The following BNC2 variants were observed in gnomAD, a reference collection of about 807,000 sequenced individuals.
BNC2 encodes zinc finger protein basonuclin-2.
In BNC2, 20 loss-of-function variants were observed where a neutral mutation model predicts 76.3. The observed-to-expected ratio is 0.26, with a 90% CI of 0.18 to 0.38. BNC2 has a LOEUF of 0.38. Among genes scored for constraint, BNC2 ranks in the 10% least tolerant of loss-of-function variants. The pLI is 1.00. For synonymous variants in BNC2, 582 were observed against 514.8 expected, an observed-to-expected ratio of 1.13 and a Z score of -1.77; for missense variants, 1,382 against 1,399.8, an observed-to-expected ratio of 0.99 and a Z score of 0.20.
chr9:16,561,378 G>C (rs1819010301), intron 4 of BNC2, among the ~76,000 whole-genome samples: 1 of 152,156 alleles, frequency 6.6e-6, no homozygotes, highest in African/African-American at 2.4e-5. Flanking sequence ...AGAGAGCAGG[G>C]CATTTTTGCA....
chr9:16,587,789 C>A (rs1375918371), intron 3 of BNC2, among the ~76,000 whole-genome samples: 1 of 152,152 alleles, frequency 6.6e-6, no homozygotes, highest in African/African-American at 2.4e-5. Flanking sequence ...CCTTCCAAGT[C>A]CTGCTTAAGT....
intron 1 of BNC2, among the ~76,000 whole-genome samples, chr9:16,765,503 TATTTGACTTTAGAAAAGCAGAAATA>T (rs1195853809): frequency 2.0e-5 from 3 of 152,146 alleles, no homozygotes; most frequent in Non-Finnish European, 2.9e-5. Context: ...TAAATAGAAA[TATTTGACTTTAGAAAAGCAGAAATA>T]ATTTGACTTT....
At chr9:16,765,182 G>A (rs1248584634) in intron 1 of BNC2, among the ~76,000 whole-genome samples, 1 of 152,038 alleles carries the variant, frequency 6.6e-6, no homozygotes, top group Admixed American at 6.5e-5. Context: ...CTCTAATATG[G>A]TAAACATACA....
At chr9:16,755,338 G>A (rs1438259000) in intron 1 of BNC2, among the ~76,000 whole-genome samples, 2 of 152,044 alleles carry the variant, frequency 1.3e-5, no homozygotes, top group Non-Finnish European at 2.9e-5. Flanking sequence ...GGAGGCTGTG[G>A]GGGGACACCA....
At chr9:16,495,754 C>A (rs566240653) in intron 5 of BNC2, among the ~76,000 whole-genome samples, 3 of 152,150 alleles carry the variant, frequency 2.0e-5, no homozygotes, top group Non-Finnish European at 4.4e-5. Context: ...TCATGGCTCT[C>A]TGAAGGTTAA....
chr9:16,605,784 CTTTTTTTTTTTT>C (rs34431220), intron 3 of BNC2, among the ~76,000 whole-genome samples: 1 of 110,762 alleles, frequency 9.0e-6, no homozygotes, highest in African/African-American at 3.6e-5. Context: ...TTCAAGAATT[CTTTTTTTTTTTT>C]TTTTTTTTTT....
At chr9:16,521,819 C>T (rs1451112983) in intron 5 of BNC2, among the ~76,000 whole-genome samples, 3 of 151,958 alleles carry the variant, frequency 2.0e-5, no homozygotes, top group African/African-American at 7.3e-5. Context: ...TTTTTTAAGC[C>T]ACAGCAAGAA....
intron 5 of BNC2, among the ~76,000 whole-genome samples, chr9:16,454,003 G>T (rs996620660): frequency 6.6e-6 from 1 of 152,076 alleles, no homozygotes; most frequent in African/African-American, 2.4e-5. Context: ...CACCACCAAC[G>T]TTTTGCTTAT....
chr9:16,447,887 G>GA (rs1821260331), intron 5 of BNC2, among the ~76,000 whole-genome samples: 2 of 152,078 alleles, frequency 1.3e-5, no homozygotes, highest in African/African-American at 2.4e-5. Flanking sequence ...TTGTACAGAA[G>GA]ACCCTCACCT....
intron 3 of BNC2, among the ~76,000 whole-genome samples, chr9:16,658,917 A>G (rs10810584): frequency 0.42 from 64,178 of 152,060 alleles, 15,250 homozygotes; most frequent in African/African-American, 0.65. Flanking sequence ...GACAGTTTAC[A>G]TTGTCTTAAA....
At chr9:16,499,776 C>A (rs528899183) in intron 5 of BNC2, among the ~76,000 whole-genome samples, 1 of 152,126 alleles carries the variant, frequency 6.6e-6, no homozygotes, top group East Asian at 1.9e-4. Flanking sequence ...AGTGATAAGC[C>A]TGCCTCAGCC....
intron 5 of BNC2, among the ~76,000 whole-genome samples, chr9:16,462,828 T>C (rs553663217): frequency 6.6e-6 from 1 of 152,276 alleles, no homozygotes; most frequent in Admixed American, 6.5e-5. Flanking sequence ...GTGTATGATG[T>C]TCTAGTTATT....
At chr9:16,838,548 C>T (rs925816441) in intron 1 of BNC2, among the ~76,000 whole-genome samples, 5 of 152,022 alleles carry the variant, frequency 3.3e-5, no homozygotes, top group African/African-American at 4.8e-5. Flanking sequence ...ACAACAAGAG[C>T]GAAACTCCGT....
Position 16,475,374 on chromosome 9 carries a change from G to C in BNC2, c.670-37850C>G, listed in dbSNP as rs538192885. 1.6e-4 allele frequency among the ~76,000 whole-genome samples: 25 copies of C among 152,192 alleles called. No individual in the cohort carries two copies. In the South Asian group the frequency reaches 5.2e-3, roughly 32 times the overall value. On this transcript the variant is annotated intron_variant, in intron 5 of 6. Transcript: ENST00000380672. ...TAGAAACTCACACTATGTTGCTATG[G>C]TGCATGCTGCTGCAAAGAAAAAGCT...
chr9:16,868,388 T>G (rs924631981), intron 1 of BNC2, among the ~76,000 whole-genome samples: 1 of 148,888 alleles, frequency 6.7e-6, no homozygotes, highest in Non-Finnish European at 1.5e-5. Flanking sequence ...TGCTTCTTTT[T>G]GTAATCACAT....
chr9:16,482,702 A>G (rs1380116993), intron 5 of BNC2, among the ~76,000 whole-genome samples: 1 of 152,198 alleles, frequency 6.6e-6, no homozygotes, highest in African/African-American at 2.4e-5. Flanking sequence ...GGATCACAAG[A>G]AAAGATTCCC....
At chr9:16,496,232 A>C (rs1822386880) in intron 5 of BNC2, among the ~76,000 whole-genome samples, 1 of 150,756 alleles carries the variant, frequency 6.6e-6, no homozygotes, top group Non-Finnish European at 1.5e-5. Context: ...CATTAAAAAC[A>C]AAAAAACAAA....
intron 5 of BNC2, among the ~76,000 whole-genome samples, chr9:16,475,626 T>C (rs1055051953): frequency 2.0e-5 from 3 of 152,216 alleles, no homozygotes; most frequent in Non-Finnish European, 2.9e-5. Context: ...TAGCAAACAT[T>C]TGTAGTTCTA....
chr9:16,414,925 T>G lies in BNC2; in HGVS notation c.*4064A>C, dbSNP rs1424655284. ...ATTCTTGATATATTCAAAGTTTTTT[T>G]TTTTTTTTTTTCCTTAGAGCAATGT... On this transcript the variant is annotated 3_prime_UTR_variant, in exon 7 of 7. Coordinates refer to ENST00000380672, the MANE Select transcript of BNC2 (RefSeq NM_017637.6). 6.6e-6 allele frequency: 1 copy of G among 151,952 alleles called. No individual in the cohort carries two copies. Among genetic ancestry groups the G allele is most frequent in the Non-Finnish European group, 1.5e-5 (1 of 67,968 alleles). The allele number at this position is 151,952 out of a possible 1,614,324, so 9.4% of individuals were successfully genotyped here.
Sources: gnomAD v4.1 joint callset for allele counts (sites outside exome capture counted in the v4.1 genomes callset) on GRCh38, gnomAD v4.1.1 for gene constraint, MANE v1.5 for transcripts, NCBI Gene and HGNC (gene_info 2026-07-23, HGNC 2026-07-21) for gene names.